EDA: variants seen among roughly 807,000 people sequenced by gnomAD.
EDA encodes the protein ectodysplasin-A.
EDA carries 2 observed loss-of-function variants against 23.6 expected under a neutral mutation model. The ratio of observed to expected loss-of-function variants is 0.08; its 90% confidence interval spans 0.03 to 0.27. EDA has a LOEUF of 0.27. EDA is among the 10% of genes least tolerant of loss of function. EDA has a pLI of 1.00. For missense variants in EDA, 229 were observed against 324.2 expected (o/e 0.71, Z 2.26); for synonymous variants, 131 against 132.0 (o/e 0.99, Z 0.05).
At chrX:69,754,213 G>T (rs781082376) in intron 1 of EDA, among the ~76,000 whole-genome samples, 3 of 111,949 alleles carry the variant, frequency 2.7e-5, no homozygotes, top group Admixed American at 9.5e-5. Flanking sequence ...GGTACTGGTT[G>T]TTCCTTTCCA....
At chrX:69,937,143 A>C (rs2018685346) in intron 1 of EDA, 1 of 1,033,898 alleles carries the variant, frequency 9.7e-7, no homozygotes, top group Admixed American at 2.3e-5. Context: ...AAATAAAAAT[A>C]AAAGGACTAT....
At chrX:69,899,571 G>A (rs1216756784) in intron 1 of EDA, among the ~76,000 whole-genome samples, 2 of 110,058 alleles carry the variant, frequency 1.8e-5, no homozygotes, top group African/African-American at 6.6e-5. Flanking sequence ...TAGATAATAT[G>A]TATATACATA....
At chrX:69,824,350 T>G (rs2016341528) in intron 1 of EDA, among the ~76,000 whole-genome samples, 1 of 109,754 alleles carries the variant, frequency 9.1e-6, no homozygotes, top group South Asian at 4.0e-4. Flanking sequence ...TTCTTCCATT[T>G]GTTTGTATCC....
At chrX:69,622,469 G>T (rs1304870323) in intron 1 of EDA, among the ~76,000 whole-genome samples, 1 of 112,070 alleles carries the variant, frequency 8.9e-6, no homozygotes, top group African/African-American at 3.2e-5. Flanking sequence ...GACTGATGAG[G>T]TTGTGCTCTT....
chrX:69,834,941 T>A (rs1351506634), intron 1 of EDA, among the ~76,000 whole-genome samples: 1 of 111,903 alleles, frequency 8.9e-6, no homozygotes, highest in Non-Finnish European at 1.9e-5. Flanking sequence ...TTTACTTCTC[T>A]GTAAAGGATT....
chrX:69,716,911 G>A (rs2012358877), intron 1 of EDA, among the ~76,000 whole-genome samples: 1 of 111,435 alleles, frequency 9.0e-6, no homozygotes, highest in Middle Eastern at 4.7e-3. Context: ...TTTGTACACT[G>A]ATTTTGTATC....
At chrX:69,709,585 G>T (rs749830239) in intron 1 of EDA, among the ~76,000 whole-genome samples, 4 of 111,925 alleles carry the variant, frequency 3.6e-5, no homozygotes, top group African/African-American at 1.3e-4. Context: ...AAAGGGAGGG[G>T]AGGGTGAACG....
chrX:69,703,024 G>A (rs1486266154), intron 1 of EDA, among the ~76,000 whole-genome samples: 1 of 109,932 alleles, frequency 9.1e-6, no homozygotes, highest in Non-Finnish European at 1.9e-5. Context: ...TTCCCATAAC[G>A]GAGGGTAGGC....
intron 1 of EDA, among the ~76,000 whole-genome samples, chrX:69,781,674 G>A (rs1267408652): frequency 1.8e-5 from 2 of 110,847 alleles, no homozygotes; most frequent in African/African-American, 3.3e-5. Context: ...ATATTCTTTC[G>A]TATGACTTTC....
intron 1 of EDA, among the ~76,000 whole-genome samples, chrX:69,704,312 A>G (rs893951575): frequency 1.8e-5 from 2 of 112,169 alleles, no homozygotes; most frequent in Non-Finnish European, 3.8e-5. Flanking sequence ...ATCAATAGAA[A>G]GAATGTCTGG....
intron 1 of EDA, among the ~76,000 whole-genome samples, chrX:69,710,666 T>C (rs1329602539): frequency 1.8e-5 from 2 of 111,888 alleles, no homozygotes; most frequent in South Asian, 3.8e-4. Flanking sequence ...TTTGATTTCA[T>C]TGAGCAGTGG....
intron 1 of EDA, among the ~76,000 whole-genome samples, chrX:69,840,345 C>A (rs970192523): frequency 4.5e-5 from 5 of 111,431 alleles, no homozygotes; most frequent in African/African-American, 9.8e-5. Context: ...TTTTTTCTTA[C>A]TTCTTGTCTA....
rs775862053 is a variant in EDA, at chrX:69,865,781, A to G, written c.397-91246A>G. On this transcript the variant is annotated intron_variant, in intron 1 of 7. Transcript: ENST00000374552. ...AGACAATGAGGTCATAATTACACCT[A>G]ACATAATACAACTGTCCTTCGTACA... Among the ~76,000 whole-genome samples the G allele has an allele frequency of 7.0e-4, 78 of 112,102 alleles. 1 individual carries two copies. Among genetic ancestry groups the G allele is most frequent in the Non-Finnish European group, 1.3e-3 (71 of 53,231 alleles).
intron 1 of EDA, among the ~76,000 whole-genome samples, chrX:69,797,916 A>G (rs983329790): frequency 8.9e-6 from 1 of 112,189 alleles, no homozygotes; most frequent in Non-Finnish European, 1.9e-5. Flanking sequence ...TATGCTATGT[A>G]CAAGAAATGA....
intron 1 of EDA, among the ~76,000 whole-genome samples, chrX:69,784,300 A>C (rs2015069232): frequency 9.8e-6 from 1 of 101,729 alleles, no homozygotes; most frequent in East Asian, 3.0e-4. Flanking sequence ...GTTTAATTAG[A>C]TCCCATTTGT....
Position 69,931,806 on chromosome X carries a change from C to A in EDA, c.397-25221C>A, listed in dbSNP as rs192462500. 1.5e-3 allele frequency among the ~76,000 whole-genome samples: 171 copies of A among 111,848 alleles called. 3 individuals are homozygous for A. The highest frequency in any genetic ancestry group is 4.6e-3 in the Middle Eastern group (1 of 217). On this transcript the variant is annotated intron_variant, in intron 1 of 7. Transcript: ENST00000374552. ...GGCAGTTTCTTATAACATGTACTTA[C>A]CACATAGTATATGTTACCCAACAGT...
At chrX:69,988,150 G>C (rs1350346965) in intron 2 of EDA, among the ~76,000 whole-genome samples, 1 of 112,012 alleles carries the variant, frequency 8.9e-6, no homozygotes, top group African/African-American at 3.3e-5. Flanking sequence ...GCCAGGCACA[G>C]AAAGACAAAC....
In EDA at chrX:69,749,438, A is replaced by G. The variant is rs757090696; in HGVS notation, c.396+132734A>G. Reference sequence around the variant, plus strand: ...CTTTATAGCAGCATGATTTATAGTCATTTGGGTATATACCCAGTAATGGGA... The same window carrying G: ...CTTTATAGCAGCATGATTTATAGTCGTTTGGGTATATACCCAGTAATGGGA... On this transcript the variant is annotated intron_variant, in intron 1 of 7. Transcript: ENST00000374552. Among the ~76,000 whole-genome samples the G allele has an allele frequency of 4.9e-5, 5 of 102,095 alleles. No homozygotes were observed. In the East Asian group the frequency reaches 9.5e-4, roughly 19 times the overall value. 88.7% of individuals were successfully genotyped at this position (102,095 alleles called of 115,157 possible).
chrX:70,028,576 G>A (rs1374157081), intron 4 of EDA, among the ~76,000 whole-genome samples: 1 of 112,505 alleles, frequency 8.9e-6, no homozygotes, highest in Non-Finnish European at 1.9e-5. Flanking sequence ...AGAAACTTAA[G>A]AGTCACTCAG....
Sources: allele counts gnomAD v4.1 joint callset (sites outside exome capture counted in the v4.1 genomes callset), GRCh38; gene constraint gnomAD v4.1.1; transcripts MANE v1.5; gene names NCBI Gene and HGNC (gene_info 2026-07-23, HGNC 2026-07-21).